Variants in NBAS observed in about 807,000 individuals in gnomAD.
NBAS encodes the protein NBAS subunit of NRZ tethering complex.
NBAS carries 219 observed loss-of-function variants against 302.5 expected under a neutral mutation model. That is an observed-to-expected ratio of 0.72 (90% CI 0.65 to 0.81). The LOEUF is 0.81. NBAS is among the 30% of genes least tolerant of loss of function. The probability of loss-of-function intolerance (pLI) is 0.00; values close to 1 mark genes in which losing one functional copy is unlikely to be tolerated. For synonymous variants in NBAS, 1,118 were observed against 1,021.6 expected (o/e 1.09, Z -1.80); for missense variants, 2,932 against 2,841.6 (o/e 1.03, Z -0.72).
the NBAS span, among the ~76,000 whole-genome samples, chr2:14,880,930 A>G: frequency 1.8e-5 from 2 of 113,498 alleles, no homozygotes; most frequent in Admixed American, 1.5e-4. Flanking sequence ...GACCTCCAGG[A>G]TAGCAAAAAA....
chr2:15,256,084 G>A (rs1027619687), intron 44 of NBAS, among the ~76,000 whole-genome samples: 2 of 151,952 alleles, frequency 1.3e-5, no homozygotes, highest in Non-Finnish European at 2.9e-5. Flanking sequence ...TTCTAGTTCT[G>A]TCAAGAATGA....
At chr2:15,203,890 T>TGTG in intron 48 of NBAS, among the ~76,000 whole-genome samples, 1 of 129,536 alleles carries the variant, frequency 7.7e-6, no homozygotes, top group Admixed American at 7.8e-5. Context: ...GTGTGTGTGC[T>TGTG]TGTGTGTGTG....
In NBAS at chr2:15,383,225, G is replaced by C; in HGVS notation, c.3350C>G (p.Ala1117Gly). ...QNVYTCLDSD[A>G]CYEIFTESLL... ...TGGTTCTAGAGTTACCTCATAGCAG[G>C]CATCAGAATCTAGACATGTGTATAC... The change falls in exon 29 of 52, where the codon GCC becomes GGC. Residue 1117 changes from alanine (A) to glycine (G), a missense_variant. Transcript: ENST00000281513. The C allele has an allele frequency of 6.2e-7, 1 of 1,612,962 alleles. No homozygotes were observed. The highest frequency in any genetic ancestry group is 8.5e-7 in the Non-Finnish European group (1 of 1,179,192).
At chr2:15,364,844 T>C (rs1375143985) in intron 32 of NBAS, among the ~76,000 whole-genome samples, 4 of 152,016 alleles carry the variant, frequency 2.6e-5, no homozygotes, top group Admixed American at 6.6e-5. Context: ...CCAGAAGAGA[T>C]TGGGAAAATC....
At chr2:15,231,037 C>G (rs1259879177) in intron 47 of NBAS, among the ~76,000 whole-genome samples, 1 of 152,224 alleles carries the variant, frequency 6.6e-6, no homozygotes, top group Non-Finnish European at 1.5e-5. Flanking sequence ...GCTTCCCATT[C>G]TATAGCACAG....
chr2:15,206,843 T>C (rs1458975414), intron 48 of NBAS, among the ~76,000 whole-genome samples: 1 of 152,182 alleles, frequency 6.6e-6, no homozygotes, highest in Admixed American at 6.5e-5. Context: ...AGAGGATGTA[T>C]GGAAATCCCT....
At chr2:14,850,862 A>G in the NBAS span, among the ~76,000 whole-genome samples, 1 of 120,596 alleles carries the variant, frequency 8.3e-6, no homozygotes, top group Non-Finnish European at 1.6e-5. Context: ...GCAGAAATAA[A>G]GATGTTCTTT....
the NBAS span, among the ~76,000 whole-genome samples, chr2:14,810,623 GGACTCTGGCCTA>G: frequency 6.6e-6 from 1 of 152,086 alleles, no homozygotes; most frequent in Middle Eastern, 3.2e-3. Context: ...TTTCAGATCT[GGACTCTGGCCTA>G]GGTTAGTTGT....
intron 38 of NBAS, among the ~76,000 whole-genome samples, chr2:15,322,352 T>G: frequency 6.6e-6 from 1 of 151,960 alleles, no homozygotes; most frequent in East Asian, 1.9e-4. Context: ...CAAACCTGCA[T>G]GTTGTGCACA....
rs200657418 is a variant in NBAS, at chr2:15,525,206, AGCCGGCTGTT to A, written c.746+9327_746+9336del. On this transcript the variant is annotated intron_variant, in intron 9 of 51. Coordinates refer to ENST00000281513, the MANE Select transcript of NBAS (RefSeq NM_015909.4). ...CAGGAGAAGTAAGTCTTGTCTCTGA[AGCCGGCTGTT>A]GCCTGCCAGGTATCCCTGACAATGA... Among the ~76,000 whole-genome samples, 890 of 152,292 alleles carry A rather than the reference AGCCGGCTGTT, an allele frequency of 5.8e-3. 11 individuals carry two copies. Among genetic ancestry groups the A allele is most frequent in the African/African-American group, 0.021 (858 of 41,558 alleles).
intron 38 of NBAS, among the ~76,000 whole-genome samples, chr2:15,314,927 T>C (rs1179054626): frequency 6.6e-6 from 1 of 152,184 alleles, no homozygotes; most frequent in Non-Finnish European, 1.5e-5. Context: ...AAATATATGA[T>C]TGCATTTAAT....
At chr2:15,361,324 C>A (rs987797854) in intron 32 of NBAS, among the ~76,000 whole-genome samples, 1 of 152,058 alleles carries the variant, frequency 6.6e-6, no homozygotes, top group Non-Finnish European at 1.5e-5. Flanking sequence ...ACCAGCCTGG[C>A]CAACATGGTG....
chr2:15,418,672 G>C (rs1298316977), intron 23 of NBAS, among the ~76,000 whole-genome samples: 5 of 152,138 alleles, frequency 3.3e-5, no homozygotes, highest in East Asian at 3.9e-4. Flanking sequence ...GGACTCTAAA[G>C]AATCAAAGGG....
intron 44 of NBAS, among the ~76,000 whole-genome samples, chr2:15,255,532 C>A (rs1196208619): frequency 1.3e-5 from 2 of 152,096 alleles, no homozygotes; most frequent in African/African-American, 2.4e-5. Flanking sequence ...CTGATCATTT[C>A]TTTTGCAGTG....
intron 11 of NBAS, among the ~76,000 whole-genome samples, chr2:15,498,308 C>G (rs1447082967): frequency 6.6e-6 from 1 of 152,102 alleles, no homozygotes; most frequent in Non-Finnish European, 1.5e-5. Context: ...TTGGATAATA[C>G]TATACCTTTT....
At chr2:14,846,898 A>G in the NBAS span, among the ~76,000 whole-genome samples, 1 of 152,166 alleles carries the variant, frequency 6.6e-6, no homozygotes, top group East Asian at 1.9e-4. Context: ...ACAAGAAGGA[A>G]GGAAAGAGAA....
chr2:15,195,273 G>C (rs1665564409), intron 48 of NBAS, among the ~76,000 whole-genome samples: 2 of 152,186 alleles, frequency 1.3e-5, no homozygotes, highest in African/African-American at 2.4e-5. Flanking sequence ...GGCTCAGCTA[G>C]GGCCTGCGTT....
chr2:15,126,305 C>A, the NBAS span, among the ~76,000 whole-genome samples: 6 of 152,270 alleles, frequency 3.9e-5, no homozygotes, highest in East Asian at 1.2e-3. Context: ...GCTTGTTGTA[C>A]AGCTTGCAGA....
the NBAS span, among the ~76,000 whole-genome samples, chr2:15,058,237 G>T: frequency 6.6e-6 from 1 of 152,144 alleles, no homozygotes; most frequent in Non-Finnish European, 1.5e-5. Flanking sequence ...AGGACAATGG[G>T]CAACATCTGG....
Sources: allele counts gnomAD v4.1 joint callset (sites outside exome capture counted in the v4.1 genomes callset), GRCh38; gene constraint gnomAD v4.1.1; transcripts MANE v1.5; gene names NCBI Gene and HGNC (gene_info 2026-07-23, HGNC 2026-07-21).